Variants in KLHL14 observed in about 807,000 individuals in gnomAD.
The protein encoded by KLHL14 is kelch-like protein 14.
In KLHL14, 22 loss-of-function variants were observed where a neutral mutation model predicts 64.3. The ratio of observed to expected loss-of-function variants is 0.34; its 90% confidence interval spans 0.24 to 0.49. KLHL14 has a LOEUF of 0.49. KLHL14 is among the 20% of genes least tolerant of loss of function. KLHL14 has a pLI of 0.99. For synonymous variants in KLHL14, 322 were observed against 333.4 expected, an observed-to-expected ratio of 0.97 and a Z score of 0.37; for missense variants, 661 against 789.0, an observed-to-expected ratio of 0.84 and a Z score of 1.94.
At position 32,683,154 on chromosome 18, in the gene KLHL14, C is replaced by T. The variant is rs143737748; in HGVS notation, c.1239-2555G>A. ...TTTTATGATCTGGTTCCTTCCTCACCGTGACACCTGGTCAGCCTGTCAGAA... is the reference window on the plus strand; with the variant it reads ...TTTTATGATCTGGTTCCTTCCTCACTGTGACACCTGGTCAGCCTGTCAGAA... On this transcript the variant is annotated intron_variant, in intron 5 of 8. Transcript: ENST00000359358. This position sits in a 1 kb window ranked among gnomAD's most constrained non-coding sequence, Gnocchi z 4.2. Among the ~76,000 whole-genome samples the T allele has an allele frequency of 5.6e-3, 848 of 152,152 alleles. 13 individuals carry two copies. Among genetic ancestry groups the T allele is most frequent in the African/African-American group, 0.019 (770 of 41,504 alleles).
chr18:32,751,998 G>GT (rs2050255380), intron 2 of KLHL14, among the ~76,000 whole-genome samples: 1 of 152,110 alleles, frequency 6.6e-6, no homozygotes. Context: ...GTTGTGGCGT[G>GT]TGCCTGTAAT....
At chr18:32,711,966 C>T (rs1463504121) in intron 3 of KLHL14, among the ~76,000 whole-genome samples, 1 of 152,190 alleles carries the variant, frequency 6.6e-6, no homozygotes. Context: ...TTATTGTTGC[C>T]TGAAATTCCT....
intron 3 of KLHL14, among the ~76,000 whole-genome samples, chr18:32,726,763 A>C (rs1352334445): frequency 6.6e-6 from 1 of 152,184 alleles, no homozygotes; most frequent in Admixed American, 6.5e-5. Context: ...GACATATTAC[A>C]CACTGCAGAT....
chr18:32,754,723 A>G (rs1255398854), intron 2 of KLHL14, among the ~76,000 whole-genome samples: 1 of 152,176 alleles, frequency 6.6e-6, no homozygotes, highest in Non-Finnish European at 1.5e-5. Context: ...CCAGTTGGAG[A>G]GTCACTGCAG....
chr18:32,769,384 C>G (rs2050364206), intron 2 of KLHL14, among the ~76,000 whole-genome samples: 1 of 152,192 alleles, frequency 6.6e-6, no homozygotes, highest in African/African-American at 2.4e-5. Context: ...TCCACAATTC[C>G]CATGTTTACG....
In KLHL14 at chr18:32,697,530, A is replaced by G. The variant is rs371525584; in HGVS notation, c.1070-1978T>C. Reference sequence around the variant, plus strand: ...AAATATTTCTTTTAAACTTTTGGTCAGTTCAACATTTTGCCCAAATCTTAT... The same window carrying G: ...AAATATTTCTTTTAAACTTTTGGTCGGTTCAACATTTTGCCCAAATCTTAT... On this transcript the variant is annotated intron_variant, in intron 3 of 8. Transcript: ENST00000359358. Among the ~76,000 whole-genome samples, 45 of 152,348 alleles carry G rather than the reference A, an allele frequency of 3.0e-4. No homozygotes were observed. The South Asian group carries it at 4.6e-3, about 15-fold the overall frequency.
intron 3 of KLHL14, chr18:32,734,237 G>A (rs1449574587): frequency 1.4e-6 from 1 of 702,764 alleles, no homozygotes; most frequent in African/African-American, 1.7e-5. Context: ...ATGGGGTGTG[G>A]TCCTGTGACT....
At position 32,677,254 on chromosome 18, in the gene KLHL14, G is replaced by A; in HGVS notation, c.1665C>T (p.Pro555=). 1 of 1,613,578 alleles carries A rather than the reference G, an allele frequency of 6.2e-7. No homozygotes were observed. Among genetic ancestry groups the A allele is most frequent in the South Asian group, 1.1e-5 (1 of 91,066 alleles). ...CAGGGCCACTTCGACCCTCCAAAAT[G>A]GGAGTTTGGAGTATATTCCACTGGT... ...KGDQWNILQT[P]ILEGRSGPGC... The change falls in exon 8 of 9, where the codon CCC becomes CCT. Residue 555 remains proline (P), a synonymous_variant. Transcript: ENST00000359358.
chr18:32,752,611 A>G (rs2050260603), intron 2 of KLHL14, among the ~76,000 whole-genome samples: 1 of 152,178 alleles, frequency 6.6e-6, no homozygotes, highest in African/African-American at 2.4e-5. Context: ...ATGATAAAGC[A>G]CAATGTTTAC....
At chr18:32,677,088 G>T in intron 8 of KLHL14, 85 bp downstream of exon 8, 1 of 1,364,292 alleles carries the variant, frequency 7.3e-7, no homozygotes, top group Non-Finnish European at 1.0e-6. Context: ...AAAGGTACAT[G>T]TGTGGAGGAT....
chr18:32,685,472 T>G (rs1568064343), intron 5 of KLHL14, among the ~76,000 whole-genome samples: 1 of 152,142 alleles, frequency 6.6e-6, no homozygotes, highest in Non-Finnish European at 1.5e-5. Context: ...TAGTTGTTTT[T>G]TAAGTAAAAC....
chr18:32,734,151 C>T, intron 3 of KLHL14: 1 of 702,842 alleles, frequency 1.4e-6, no homozygotes, highest in Non-Finnish European at 2.6e-6. Context: ...ATGATAGTCA[C>T]ATTGTGTTGT....
chr18:32,701,216 G>C (rs559582891), intron 3 of KLHL14, among the ~76,000 whole-genome samples: 17 of 152,140 alleles, frequency 1.1e-4, no homozygotes, highest in Non-Finnish European at 2.2e-4. Context: ...ACACCTTTCT[G>C]GTTGCTGATA....
intron 3 of KLHL14, among the ~76,000 whole-genome samples, chr18:32,716,477 C>A (rs903487897): frequency 2.6e-5 from 4 of 151,638 alleles, no homozygotes; most frequent in Admixed American, 6.6e-5. Flanking sequence ...TGCAATGGCA[C>A]GATCTCGGCT....
chr18:32,694,646 A>G (rs780839272), intron 4 of KLHL14, among the ~76,000 whole-genome samples: 58 of 152,348 alleles, frequency 3.8e-4, no homozygotes, highest in Admixed American at 1.2e-3. Context: ...ATGCTGAAAG[A>G]GAGCACTCAC....
intron 3 of KLHL14, among the ~76,000 whole-genome samples, chr18:32,721,754 T>C (rs1372077714): frequency 6.6e-6 from 1 of 152,170 alleles, no homozygotes; most frequent in Non-Finnish European, 1.5e-5. Context: ...TAAACAAAGT[T>C]GGGAAAAATT....
chr18:32,734,184 CCTT>C, intron 3 of KLHL14: 1 of 702,848 alleles, frequency 1.4e-6, no homozygotes. Context: ...TGGTTTTCCT[CCTT>C]CTGAACTCTG....
intron 3 of KLHL14, among the ~76,000 whole-genome samples, chr18:32,722,555 C>A (rs2050085015): frequency 6.6e-6 from 1 of 152,114 alleles, no homozygotes; most frequent in African/African-American, 2.4e-5. Flanking sequence ...GTGAATCAAA[C>A]CATGAATTTT....
chr18:32,747,430 G>C (rs1029929769), intron 2 of KLHL14, among the ~76,000 whole-genome samples: 12 of 152,162 alleles, frequency 7.9e-5, no homozygotes, highest in African/African-American at 2.9e-4. Flanking sequence ...GTCCCATCTG[G>C]GGGTGATGGG....
Sources: gnomAD v4.1 joint callset for allele counts (sites outside exome capture counted in the v4.1 genomes callset) on GRCh38, gnomAD v4.1.1 for gene constraint, Gnocchi (gnomAD v3.1) non-coding constraint, MANE v1.5 for transcripts, NCBI Gene and HGNC (gene_info 2026-07-23, HGNC 2026-07-21) for gene names.